FRAS1: variants seen among roughly 807,000 people sequenced by gnomAD.
FRAS1 encodes Fraser extracellular matrix complex subunit 1, also known as extracellular matrix organizing protein FRAS1.
FRAS1 carries 290 observed loss-of-function variants against 435.2 expected under a neutral mutation model. The observed-to-expected ratio is 0.67, with a 90% CI of 0.61 to 0.73. The LOEUF is 0.73. Among genes scored for constraint, FRAS1 ranks in the 30% least tolerant of loss-of-function variants. The pLI is 0.00. For synonymous variants in FRAS1, 1,800 were observed against 1,851.0 expected, an observed-to-expected ratio of 0.97 and a Z score of 0.71; for missense variants, 4,860 against 5,001.5, an observed-to-expected ratio of 0.97 and a Z score of 0.85.
At chr4:78,470,922 T>A (rs1719685738) in intron 51 of FRAS1, among the ~76,000 whole-genome samples, 1 of 152,162 alleles carries the variant, frequency 6.6e-6, no homozygotes, top group Admixed American at 6.5e-5. Context: ...CAATAAATTG[T>A]TCATATGGCC....
At chr4:78,410,713 G>A (rs1426732153) in intron 31 of FRAS1, among the ~76,000 whole-genome samples, 4 of 152,180 alleles carry the variant, frequency 2.6e-5, no homozygotes, top group Admixed American at 2.6e-4. Flanking sequence ...GATTATTTTG[G>A]GTTAAAGTGG....
At chr4:78,086,230 G>A (rs1349982465) in intron 2 of FRAS1, among the ~76,000 whole-genome samples, 2 of 152,102 alleles carry the variant, frequency 1.3e-5, no homozygotes, top group Non-Finnish European at 2.9e-5. Context: ...AAAGCAATGA[G>A]AACAAAGACA....
intron 60 of FRAS1, among the ~76,000 whole-genome samples, chr4:78,497,540 G>A (rs934045476): frequency 1.3e-5 from 2 of 152,166 alleles, no homozygotes; most frequent in Non-Finnish European, 2.9e-5. Flanking sequence ...GTTACAAATA[G>A]TGATAGCTCT....
chr4:78,324,063 A>C (rs755244790), intron 18 of FRAS1, among the ~76,000 whole-genome samples: 8 of 152,186 alleles, frequency 5.3e-5, no homozygotes, highest in Admixed American at 1.3e-4. Context: ...ATCAAAGAAG[A>C]AGCAGCATAT....
At chr4:78,174,523 T>C (rs1425385221) in intron 2 of FRAS1, among the ~76,000 whole-genome samples, 1 of 152,206 alleles carries the variant, frequency 6.6e-6, no homozygotes, top group African/African-American at 2.4e-5. Context: ...GTTATCTACC[T>C]GGGATATAAC....
chr4:78,518,452 ATTTATTTATT>A (rs373305046), intron 66 of FRAS1, among the ~76,000 whole-genome samples: 1,838 of 98,834 alleles, frequency 0.019, 30 homozygotes, highest in African/African-American at 0.054. Context: ...ATATATATAT[ATTTATTTATT>A]TATTTATTTG....
chr4:78,354,594 A>G (rs1361906769), intron 20 of FRAS1, among the ~76,000 whole-genome samples: 2 of 152,224 alleles, frequency 1.3e-5, no homozygotes, highest in African/African-American at 2.4e-5. Flanking sequence ...TGCCCTTTAA[A>G]GGCCCTGAGT....
chr4:78,295,376 G>T (rs1438568055), intron 14 of FRAS1, among the ~76,000 whole-genome samples: 1 of 152,122 alleles, frequency 6.6e-6, no homozygotes, highest in Non-Finnish European at 1.5e-5. Context: ...AATGTATAAG[G>T]GTGCCTACTT....
chr4:78,374,228 A>G lies in FRAS1; in HGVS notation c.3128A>G (p.Asp1043Gly), dbSNP rs886059632. ...VQECGKGYFA[D>G]HAKHKCTACP... The stretch of plus-strand genomic sequence containing the variant: ...GAATGTGGGAAGGGGTACTTTGCAG[A>G]TCATGCAAAGCACAAATGCACAGGT... Residue 1043 changes from aspartate to glycine, a missense_variant, in exon 25 of 74, where the codon GAT becomes GGT. Asp to Gly is a moderately conservative substitution (Grantham distance 94). Coordinates refer to ENST00000512123, the MANE Select transcript of FRAS1 (RefSeq NM_025074.7). The G allele has an allele frequency of 3.1e-6, 5 of 1,600,042 alleles. No homozygotes were observed. The highest frequency in any genetic ancestry group is 4.3e-6 in the Non-Finnish European group (5 of 1,170,200).
intron 71 of FRAS1, among the ~76,000 whole-genome samples, chr4:78,535,181 C>T (rs902922428): frequency 6.6e-6 from 1 of 152,182 alleles, no homozygotes; most frequent in African/African-American, 2.4e-5. Flanking sequence ...TTCTCACTCT[C>T]CTGTCCCTGG....
intron 2 of FRAS1, among the ~76,000 whole-genome samples, chr4:78,133,387 G>C (rs1719770967): frequency 6.6e-6 from 1 of 152,024 alleles, no homozygotes; most frequent in African/African-American, 2.4e-5. Flanking sequence ...GGGTAGTGGG[G>C]TGGGAGGGAG....
chr4:78,253,316 T>C (rs987859072), intron 5 of FRAS1, among the ~76,000 whole-genome samples: 3 of 152,192 alleles, frequency 2.0e-5, no homozygotes, highest in African/African-American at 7.2e-5. Flanking sequence ...AAATTGCTTA[T>C]TCTGTTCTTT....
chr4:78,287,125 A>T (rs1209195870), intron 14 of FRAS1, among the ~76,000 whole-genome samples: 1 of 152,040 alleles, frequency 6.6e-6, no homozygotes, highest in Non-Finnish European at 1.5e-5. Context: ...GGGAAGCAAG[A>T]TACGTCTTAC....
At chr4:78,370,781 A>G (rs1167226665) in intron 23 of FRAS1, among the ~76,000 whole-genome samples, 1 of 152,198 alleles carries the variant, frequency 6.6e-6, no homozygotes, top group Non-Finnish European at 1.5e-5. Flanking sequence ...GCTCTCCAGT[A>G]GTTGGAATTC....
intron 4 of FRAS1, among the ~76,000 whole-genome samples, chr4:78,252,187 T>C (rs896309884): frequency 2.6e-5 from 4 of 152,112 alleles, no homozygotes; most frequent in Admixed American, 6.5e-5. Context: ...TTCGCGGTAA[T>C]AGAAGGAGAA....
At chr4:78,367,663 C>A (rs1486212896) in intron 22 of FRAS1, among the ~76,000 whole-genome samples, 1 of 151,786 alleles carries the variant, frequency 6.6e-6, no homozygotes, top group Non-Finnish European at 1.5e-5. Context: ...ATAGGAACTG[C>A]TATCTAAGCA....
At chr4:78,410,680 G>C (rs529044611) in intron 31 of FRAS1, among the ~76,000 whole-genome samples, 1 of 152,320 alleles carries the variant, frequency 6.6e-6, no homozygotes, top group South Asian at 2.1e-4. Context: ...GTCAGACTAA[G>C]GTCTGGTGAG....
At chr4:78,208,721 T>A (rs138000913) in intron 2 of FRAS1, among the ~76,000 whole-genome samples, 142 of 152,326 alleles carry the variant, frequency 9.3e-4, no homozygotes, top group Non-Finnish European at 1.7e-3. Context: ...TATTTACTTA[T>A]ATTAAACTTT....
At chr4:78,067,827 G>A (rs1740123088) in intron 2 of FRAS1, among the ~76,000 whole-genome samples, 1 of 149,626 alleles carries the variant, frequency 6.7e-6, no homozygotes, top group African/African-American at 2.5e-5. Context: ...CCAAGTAGAT[G>A]GGACTACAGC....
Sources: gnomAD v4.1 joint callset for allele counts (sites outside exome capture counted in the v4.1 genomes callset) on GRCh38, gnomAD v4.1.1 for gene constraint, MANE v1.5 for transcripts, NCBI Gene and HGNC (gene_info 2026-07-23, HGNC 2026-07-21) for gene names.